PPP2CA: variants seen among roughly 807,000 people sequenced by gnomAD.
The protein encoded by PPP2CA is protein phosphatase 2 catalytic subunit alpha.
A neutral mutation model predicts 38.8 loss-of-function variants in PPP2CA; 5 were observed. The ratio of observed to expected loss-of-function variants is 0.13; its 90% CI spans 0.07 to 0.27. The LOEUF (loss-of-function observed/expected upper bound fraction) is 0.27. Among genes scored for constraint, PPP2CA ranks in the 10% least tolerant of loss-of-function variants. The probability of loss-of-function intolerance (pLI) is 1.00; values close to 1 mark genes in which losing one functional copy is unlikely to be tolerated. For synonymous variants in PPP2CA, 152 were observed against 134.0 expected (o/e 1.13, Z -0.93); for missense variants, 88 against 389.7 (o/e 0.23, Z 6.52).
In PPP2CA at chr5:134,225,927, T is replaced by A; in HGVS notation, c.-66A>T. ...CCGCGCCGCCGCCCGCACACGGGCC[T>A]ACACGCACACGCCGCCGCCGGTTCC... On this transcript the variant is annotated 5_prime_UTR_variant, in exon 1 of 7. Transcript: ENST00000481195. 1 of 1,432,886 alleles carries A rather than the reference T, an allele frequency of 7.0e-7. No individual in the cohort carries two copies. Among genetic ancestry groups the A allele is most frequent in the Non-Finnish European group, 9.6e-7 (1 of 1,039,312 alleles). 88.8% of individuals were successfully genotyped at this position (1,432,886 alleles called of 1,614,324 possible).
chr5:134,207,019 C>T (rs1463193720), intron 1 of PPP2CA, among the ~76,000 whole-genome samples: 1 of 152,180 alleles, frequency 6.6e-6, no homozygotes, highest in African/African-American at 2.4e-5. Context: ...AAACAAATTA[C>T]CAGAGAATTG....
At position 134,205,292 on chromosome 5, in the gene PPP2CA, T is replaced by A. The variant is rs936485381; in HGVS notation, c.312+630A>T. Among the ~76,000 whole-genome samples the A allele has an allele frequency of 7.9e-5, 12 of 152,082 alleles. No individual in the cohort carries two copies. The East Asian group carries it at 2.3e-3, about 29-fold the overall frequency. Reference sequence around the variant, plus strand: ...TTATATATTTATAATACTTCAAAAGTATCTAAAAACACAAATCTAATTATA... The same window carrying A: ...TTATATATTTATAATACTTCAAAAGAATCTAAAAACACAAATCTAATTATA... On this transcript the variant is annotated intron_variant, in intron 2 of 6. Coordinates refer to ENST00000481195, the MANE Select transcript of PPP2CA (RefSeq NM_002715.4).
At chr5:134,223,230 A>C (rs1160983464) in intron 1 of PPP2CA, among the ~76,000 whole-genome samples, 1 of 152,192 alleles carries the variant, frequency 6.6e-6, no homozygotes, top group Non-Finnish European at 1.5e-5. Context: ...AAATTTTCAA[A>C]ATTACTCTTT....
At chr5:134,219,353 A>C (rs1363048550) in intron 1 of PPP2CA, among the ~76,000 whole-genome samples, 1 of 152,258 alleles carries the variant, frequency 6.6e-6, no homozygotes, top group Non-Finnish European at 1.5e-5. Flanking sequence ...ACACTGTCAC[A>C]CGATAGCATC....
intron 1 of PPP2CA, among the ~76,000 whole-genome samples, chr5:134,208,930 CCT>C (rs749480435): frequency 1.3e-5 from 2 of 152,110 alleles, no homozygotes; most frequent in Non-Finnish European, 2.9e-5. Context: ...AGAGTATTCC[CCT>C]GACCAATTAC....
intron 2 of PPP2CA, chr5:134,202,266 A>C: frequency 2.5e-6 from 1 of 395,890 alleles, no homozygotes. Context: ...ACATAAATCA[A>C]TGGGCTATTA....
At chr5:134,221,967 C>CA (rs35713465) in intron 1 of PPP2CA, among the ~76,000 whole-genome samples, 4,268 of 77,732 alleles carry the variant, frequency 0.055, 134 homozygotes, top group East Asian at 0.15. Context: ...GACCTTATCT[C>CA]AAAAAAAAAA....
At chr5:134,198,414 A>C (rs1357454208) in intron 6 of PPP2CA, among the ~76,000 whole-genome samples, 1 of 140,996 alleles carries the variant, frequency 7.1e-6, no homozygotes, top group Non-Finnish European at 1.6e-5. Flanking sequence ...AAACAACAAA[A>C]AAACACAAAA....
intron 3 of PPP2CA, 45 bp from the exon 4 acceptor site, chr5:134,201,119 T>C (rs745783883): frequency 5.5e-6 from 8 of 1,464,998 alleles, no homozygotes; most frequent in Non-Finnish European, 5.7e-6. Context: ...AAAAAATTTG[T>C]AAACATTCTT....
intron 1 of PPP2CA, among the ~76,000 whole-genome samples, chr5:134,215,470 G>A (rs1258203141): frequency 6.6e-6 from 1 of 152,196 alleles, no homozygotes; most frequent in African/African-American, 2.4e-5. Flanking sequence ...AGCTACTCAG[G>A]AGGCTGAGGC....
At position 134,206,822 on chromosome 5, in the gene PPP2CA, G is replaced by A. The variant is rs116258806; in HGVS notation, c.103-691C>T. On this transcript the variant is annotated intron_variant, in intron 1 of 6. Coordinates refer to ENST00000481195, the MANE Select transcript of PPP2CA (RefSeq NM_002715.4). ...GCTCATACCTGTGAGAAAATCATTT[G>A]CTCAACCATCTGTACCAGCCCCATG... 3.5e-3 allele frequency among the ~76,000 whole-genome samples: 533 copies of A among 152,240 alleles called. 2 individuals are homozygous for A. Among genetic ancestry groups the A allele is most frequent in the African/African-American group, 0.012 (510 of 41,528 alleles).
intron 1 of PPP2CA, among the ~76,000 whole-genome samples, chr5:134,216,537 C>CA (rs748030385): frequency 0.039 from 1,146 of 29,570 alleles, 30 homozygotes; most frequent in Non-Finnish European, 0.066. Context: ...GAGACTGCCT[C>CA]AAAAAAAAAA....
intron 1 of PPP2CA, 36 bp downstream of exon 1, chr5:134,225,724 C>G (rs1463123758): frequency 6.3e-7 from 1 of 1,577,946 alleles, no homozygotes; most frequent in Middle Eastern, 1.7e-4. Context: ...CGGGCTCGGC[C>G]CCGCGGCGGC....
At chr5:134,214,172 A>G (rs1762269833) in intron 1 of PPP2CA, among the ~76,000 whole-genome samples, 1 of 152,166 alleles carries the variant, frequency 6.6e-6, no homozygotes, top group Admixed American at 6.5e-5. Context: ...AAAGGTTAAG[A>G]TTTCACTGAA....
intron 1 of PPP2CA, among the ~76,000 whole-genome samples, chr5:134,216,377 T>C (rs1160599773): frequency 6.6e-6 from 1 of 151,014 alleles, no homozygotes; most frequent in Non-Finnish European, 1.5e-5. Flanking sequence ...CCTCCCCTAC[T>C]AAAAATACAA....
chr5:134,200,937 A>G (rs1378078644), intron 4 of PPP2CA, 48 bp downstream of exon 4: 1 of 1,416,734 alleles, frequency 7.1e-7, no homozygotes, highest in Non-Finnish European at 1.0e-6. Context: ...AAACTTCTCC[A>G]CTCCCTAATA....
intron 1 of PPP2CA, among the ~76,000 whole-genome samples, chr5:134,218,513 A>T (rs1298503131): frequency 1.3e-5 from 2 of 152,164 alleles, no homozygotes; most frequent in East Asian, 1.9e-4. Flanking sequence ...ATAGAAAAAG[A>T]AGTTTTAATC....
intron 1 of PPP2CA, chr5:134,225,485 C>T (rs895552715): frequency 2.5e-6 from 1 of 395,462 alleles, no homozygotes; most frequent in South Asian, 3.1e-5. Context: ...CTCCGCTCCC[C>T]CTGCCACCTC....
chr5:134,218,500 T>C (rs1314242776), intron 1 of PPP2CA, among the ~76,000 whole-genome samples: 4 of 152,120 alleles, frequency 2.6e-5, no homozygotes, highest in African/African-American at 9.7e-5. Flanking sequence ...CAATCATTCC[T>C]GCATAGAAAA....
Sources: allele counts gnomAD v4.1 joint callset (sites outside exome capture counted in the v4.1 genomes callset), GRCh38; gene constraint gnomAD v4.1.1; transcripts MANE v1.5; gene names NCBI Gene and HGNC (gene_info 2026-07-23, HGNC 2026-07-21).